ERBB4: variants seen among roughly 807,000 people sequenced by gnomAD.
The protein encoded by ERBB4 is receptor tyrosine-protein kinase erbB-4.
In ERBB4, 42 loss-of-function variants were observed where a neutral mutation model predicts 158.0. The observed-to-expected ratio is 0.27, with a 90% confidence interval of 0.21 to 0.34. The LOEUF (loss-of-function observed/expected upper bound fraction) is 0.34, where lower values mean the gene tolerates loss of function less well. Ranked by LOEUF, ERBB4 falls within the 10% of genes least tolerant of loss-of-function variation. The pLI is 1.00. For missense variants in ERBB4, 1,333 were observed against 1,624.1 expected (o/e 0.82, Z 3.08); for synonymous variants, 583 against 558.7 (o/e 1.04, Z -0.61).
chr2:212,148,323 C>T (rs993452512), intron 1 of ERBB4, among the ~76,000 whole-genome samples: 2 of 151,622 alleles, frequency 1.3e-5, no homozygotes, highest in Non-Finnish European at 2.9e-5. Flanking sequence ...GCAGATACCT[C>T]GCATAATTCA....
In ERBB4 at chr2:211,837,325, T is replaced by C. The variant is rs141297983; in HGVS notation, c.422-49166A>G. On this transcript the variant is annotated intron_variant, in intron 3 of 27. Transcript: ENST00000342788. Reference sequence around the variant, plus strand: ...TCTAGAGGGAAAGGTTAAAAGTACTTGGGTTATTGAACCAGTAGTCAAGTG... The same window carrying C: ...TCTAGAGGGAAAGGTTAAAAGTACTCGGGTTATTGAACCAGTAGTCAAGTG... Among the ~76,000 whole-genome samples, 39 of 152,188 alleles carry C rather than the reference T, an allele frequency of 2.6e-4. 1 individual carries two copies. The East Asian group carries it at 7.5e-3, about 29-fold the overall frequency.
At chr2:212,326,082 C>A (rs1290714189) in intron 1 of ERBB4, among the ~76,000 whole-genome samples, 3 of 150,500 alleles carry the variant, frequency 2.0e-5, no homozygotes, top group African/African-American at 7.3e-5. Context: ...ATAGTATAAT[C>A]CAGAGACTGT....
chr2:212,321,796 A>G (rs1289021464), intron 1 of ERBB4, among the ~76,000 whole-genome samples: 1 of 150,240 alleles, frequency 6.7e-6, no homozygotes, highest in Non-Finnish European at 1.5e-5. Context: ...CATTAAAAAC[A>G]CCCCTGGAAT....
chr2:211,572,338 C>T (rs2125747677), intron 19 of ERBB4, among the ~76,000 whole-genome samples: 1 of 152,088 alleles, frequency 6.6e-6, no homozygotes, highest in Non-Finnish European at 1.5e-5. Flanking sequence ...AGTATATTTC[C>T]AGGTATGACG....
chr2:212,036,825 C>T (rs1026945798), intron 2 of ERBB4, among the ~76,000 whole-genome samples: 1 of 152,206 alleles, frequency 6.6e-6, no homozygotes, highest in East Asian at 1.9e-4. Context: ...TAAAAAAATA[C>T]TAACAACTAC....
intron 21 of ERBB4, 141 bp from the exon 22 acceptor site, chr2:211,428,624 A>T (rs2063686003): frequency 4.2e-6 from 2 of 474,862 alleles, no homozygotes; most frequent in African/African-American, 4.0e-5. Context: ...AACTATAAAT[A>T]TATGTTAATT....
At chr2:211,959,041 A>G (rs993690915) in intron 2 of ERBB4, among the ~76,000 whole-genome samples, 3 of 152,050 alleles carry the variant, frequency 2.0e-5, no homozygotes, top group African/African-American at 7.2e-5. Context: ...ACGTAAATGT[A>G]TTTTTAAATT....
chr2:211,563,369 C>T (rs1206274332), intron 19 of ERBB4, among the ~76,000 whole-genome samples: 1 of 151,988 alleles, frequency 6.6e-6, no homozygotes, highest in African/African-American at 2.4e-5. Flanking sequence ...GTATTCTTGT[C>T]AATAATATCT....
intron 5 of ERBB4, among the ~76,000 whole-genome samples, chr2:211,729,712 T>C (rs2074372609): frequency 6.6e-6 from 1 of 151,882 alleles, no homozygotes; most frequent in Non-Finnish European, 1.5e-5. Context: ...AAACAAAAAA[T>C]AATTCCTGAA....
chr2:212,252,765 A>C (rs1043914230), intron 1 of ERBB4, among the ~76,000 whole-genome samples: 4 of 152,124 alleles, frequency 2.6e-5, no homozygotes, highest in Non-Finnish European at 5.9e-5. Flanking sequence ...AAAAGAGAGA[A>C]GATAGCATAT....
chr2:212,054,607 T>C (rs1035807876), intron 2 of ERBB4, among the ~76,000 whole-genome samples: 9 of 152,152 alleles, frequency 5.9e-5, no homozygotes, highest in South Asian at 2.1e-4. Flanking sequence ...AAAGAAACTC[T>C]TGTGCTTCCA....
intron 19 of ERBB4, among the ~76,000 whole-genome samples, chr2:211,580,821 ATAT>A (rs2068058841): frequency 5.7e-4 from 10 of 17,582 alleles, no homozygotes; most frequent in Admixed American, 1.6e-3. Context: ...TAATATATAT[ATAT>A]TATATATATA....
At chr2:211,852,084 A>G (rs2077734044) in intron 3 of ERBB4, among the ~76,000 whole-genome samples, 1 of 151,896 alleles carries the variant, frequency 6.6e-6, no homozygotes. Flanking sequence ...CTTCTACTCT[A>G]GTCCAGGCTC....
At chr2:212,226,207 A>C (rs990074201) in intron 1 of ERBB4, among the ~76,000 whole-genome samples, 2 of 152,132 alleles carry the variant, frequency 1.3e-5, no homozygotes, top group African/African-American at 2.4e-5. Flanking sequence ...TTGGCCAGTA[A>C]GAAAATGGGG....
chr2:211,447,435 A>C (rs1367709432), intron 20 of ERBB4, among the ~76,000 whole-genome samples: 1 of 152,176 alleles, frequency 6.6e-6, no homozygotes, highest in African/African-American at 2.4e-5. Context: ...CTGTAAACAC[A>C]ATCTTACGCA....
chr2:212,067,261 C>G (rs1290011663), intron 2 of ERBB4, among the ~76,000 whole-genome samples: 1 of 151,870 alleles, frequency 6.6e-6, no homozygotes, highest in Non-Finnish European at 1.5e-5. Context: ...TAAACAGAGC[C>G]TATACGTGTA....
At chr2:212,088,179 T>C (rs531735786) in intron 2 of ERBB4, among the ~76,000 whole-genome samples, 1 of 152,206 alleles carries the variant, frequency 6.6e-6, no homozygotes, top group East Asian at 1.9e-4. Context: ...AACAACACTA[T>C]ATATAAAGGG....
intron 3 of ERBB4, among the ~76,000 whole-genome samples, chr2:211,834,404 T>C (rs541900075): frequency 1.5e-4 from 22 of 150,824 alleles, no homozygotes; most frequent in African/African-American, 5.1e-4. Flanking sequence ...AACCAGAGAG[T>C]AGGGGCAAAA....
At chr2:212,015,041 AATAT>A (rs58361195) in intron 2 of ERBB4, among the ~76,000 whole-genome samples, 3 of 9,220 alleles carry the variant, frequency 3.3e-4, no homozygotes, top group African/African-American at 6.6e-4. Context: ...AAAAAAAAAA[AATAT>A]ATATATATAT....
Sources: gnomAD v4.1 joint callset for allele counts (sites outside exome capture counted in the v4.1 genomes callset) on GRCh38, gnomAD v4.1.1 for gene constraint, MANE v1.5 for transcripts, NCBI Gene and HGNC (gene_info 2026-07-23, HGNC 2026-07-21) for gene names.